Variants in SPECC1 observed in about 807,000 individuals in gnomAD.
SPECC1 encodes the protein cytospin-B.
SPECC1 carries 62 observed loss-of-function variants against 104.1 expected under a neutral mutation model. That is an observed-to-expected ratio of 0.60 (90% CI 0.49 to 0.74). The LOEUF is 0.74. SPECC1 is among the 30% of genes least tolerant of loss of function. SPECC1 has a pLI of 0.00. For synonymous variants in SPECC1, 513 were observed against 501.6 expected, an observed-to-expected ratio of 1.02 and a Z score of -0.30; for missense variants, 1,306 against 1,310.5, an observed-to-expected ratio of 1.00 and a Z score of 0.05.
chr17:20,209,206 C>T (rs772502316), intron 4 of SPECC1, among the ~76,000 whole-genome samples: 12 of 152,168 alleles, frequency 7.9e-5, no homozygotes, highest in Non-Finnish European at 1.5e-4. Flanking sequence ...ATATAGCTGC[C>T]TTCAGCAGGT....
chr17:20,229,116 A>G (rs2038415085), intron 5 of SPECC1, among the ~76,000 whole-genome samples: 1 of 152,192 alleles, frequency 6.6e-6, no homozygotes, highest in African/African-American at 2.4e-5. Context: ...CTCGGGTCAG[A>G]CAGAGACACT....
chr17:20,197,401 G>C (rs1271168496), intron 3 of SPECC1, among the ~76,000 whole-genome samples: 3 of 152,086 alleles, frequency 2.0e-5, no homozygotes, highest in African/African-American at 4.8e-5. Flanking sequence ...AATAGACAAG[G>C]TCACACAGAT....
chr17:20,113,954 G>T (rs920732642), intron 3 of SPECC1, among the ~76,000 whole-genome samples: 9 of 152,130 alleles, frequency 5.9e-5, no homozygotes, highest in Non-Finnish European at 8.8e-5. Flanking sequence ...CAGATCTACT[G>T]CAATCAAAGC....
At chr17:20,041,892 TG>T (rs1391424742) in intron 1 of SPECC1, among the ~76,000 whole-genome samples, 1 of 152,138 alleles carries the variant, frequency 6.6e-6, no homozygotes, top group Non-Finnish European at 1.5e-5. Flanking sequence ...CCCAAAGTGC[TG>T]GGGTTACAGG....
At chr17:20,156,220 C>A in intron 3 of SPECC1, 1 of 1,414,116 alleles carries the variant, frequency 7.1e-7, no homozygotes, top group Non-Finnish European at 9.2e-7. Context: ...CAGGACGGCC[C>A]GAGGATCCGG....
chr17:20,275,813 C>A (rs1567600511), intron 12 of SPECC1, among the ~76,000 whole-genome samples: 1 of 152,150 alleles, frequency 6.6e-6, no homozygotes, highest in African/African-American at 2.4e-5. Flanking sequence ...TGTCCCCTGT[C>A]CCCATGTGGC....
chr17:20,213,463 C>G (rs780306553), intron 4 of SPECC1, among the ~76,000 whole-genome samples: 8 of 152,180 alleles, frequency 5.3e-5, no homozygotes, highest in African/African-American at 1.7e-4. Flanking sequence ...CAGAAAAACA[C>G]TTAAAGCAGA....
chr17:20,047,461 C>T (rs951487974), intron 1 of SPECC1, among the ~76,000 whole-genome samples: 1 of 152,162 alleles, frequency 6.6e-6, no homozygotes, highest in Admixed American at 6.5e-5. Flanking sequence ...TATGCTAAAC[C>T]CTTTCAAGCT....
At chr17:20,049,967 G>C (rs140888241) in intron 1 of SPECC1, among the ~76,000 whole-genome samples, 11,179 of 152,052 alleles carry the variant, frequency 0.074, 555 homozygotes, top group African/African-American at 0.14. Context: ...ACAGGCATGT[G>C]CCACCATGCC....
chr17:20,238,645 T>G, intron 7 of SPECC1: 2 of 1,040,104 alleles, frequency 1.9e-6, no homozygotes, highest in Non-Finnish European at 2.3e-6. Context: ...AAAATTTACT[T>G]AGATACTTGT....
chr17:20,058,942 C>T (rs2046076180), intron 1 of SPECC1, among the ~76,000 whole-genome samples: 1 of 150,318 alleles, frequency 6.7e-6, no homozygotes, highest in South Asian at 2.1e-4. Flanking sequence ...CAGGTTCACA[C>T]CATTCTCCTG....
rs1426464659 is a variant in SPECC1, at chr17:20,036,010, A to T, written c.-22+26586A>T. ...TATTTTTTAGTAGAGATGGGGTTTCACCATGTTGGTCAGGCTGGTCTCAAA... is the reference window on the plus strand; with the variant it reads ...TATTTTTTAGTAGAGATGGGGTTTCTCCATGTTGGTCAGGCTGGTCTCAAA... On this transcript the variant is annotated intron_variant, in intron 1 of 14. Coordinates refer to ENST00000395527, the MANE Select transcript of SPECC1 (RefSeq NM_001243439.2). 8.6e-5 allele frequency among the ~76,000 whole-genome samples: 13 copies of T among 151,930 alleles called. 1 individual carries two copies. The highest frequency in any genetic ancestry group is 6.6e-4 in the Admixed American group (10 of 15,246).
chr17:20,260,694 T>TGAGGGAGGAAGCACGGGA (rs879513622), intron 12 of SPECC1, among the ~76,000 whole-genome samples: 5 of 152,206 alleles, frequency 3.3e-5, no homozygotes, highest in Non-Finnish European at 7.4e-5. Flanking sequence ...CCCTCAGGCA[T>TGAGGGAGGAAGCACGGGA]GAGGGAGGAA....
At chr17:20,132,231 C>T (rs1368927244) in intron 3 of SPECC1, among the ~76,000 whole-genome samples, 1 of 152,122 alleles carries the variant, frequency 6.6e-6, no homozygotes, top group African/African-American at 2.4e-5. Flanking sequence ...GCCTTGTACC[C>T]TCTAAAGTCC....
At chr17:20,053,219 C>G (rs565031954) in intron 1 of SPECC1, among the ~76,000 whole-genome samples, 1 of 152,306 alleles carries the variant, frequency 6.6e-6, no homozygotes, top group East Asian at 1.9e-4. Context: ...TCATGGCTCA[C>G]TTTTCAGGGG....
chr17:20,241,942 A>T (rs997409210), intron 7 of SPECC1, among the ~76,000 whole-genome samples: 1 of 152,214 alleles, frequency 6.6e-6, no homozygotes, highest in African/African-American at 2.4e-5. Context: ...CCAAAACTAG[A>T]TGGGCAGAGG....
At chr17:20,041,153 A>G (rs975579780) in intron 1 of SPECC1, among the ~76,000 whole-genome samples, 5 of 151,882 alleles carry the variant, frequency 3.3e-5, no homozygotes, top group South Asian at 4.2e-4. Context: ...TTCACTGATT[A>G]TTTTGTCTGC....
At chr17:20,206,457 AATC>A (rs547995866) in intron 4 of SPECC1, among the ~76,000 whole-genome samples, 17 of 152,386 alleles carry the variant, frequency 1.1e-4, no homozygotes, top group Admixed American at 3.3e-4. Context: ...ACAAATTTAT[AATC>A]ATCCTGTACA....
At chr17:20,232,113 G>T in intron 6 of SPECC1, 87 bp from the exon 7 acceptor site, 2 of 1,488,494 alleles carry the variant, frequency 1.3e-6, no homozygotes, top group Admixed American at 3.7e-5. Context: ...TTTTTTTCTT[G>T]GTGACCAACA....
Sources: allele counts gnomAD v4.1 joint callset (sites outside exome capture counted in the v4.1 genomes callset), GRCh38; gene constraint gnomAD v4.1.1; transcripts MANE v1.5; gene names NCBI Gene and HGNC (gene_info 2026-07-23, HGNC 2026-07-21).